Variants in DSTN observed in about 807,000 individuals in gnomAD.
DSTN encodes destrin, actin depolymerizing factor.
A neutral mutation model predicts 16.8 loss-of-function variants in DSTN; 10 were observed. The observed-to-expected ratio is 0.60, with a 90% CI of 0.37 to 1.01. The LOEUF (loss-of-function observed/expected upper bound fraction) is 1.01, where lower values mean the gene tolerates loss of function less well. Among genes scored for constraint, DSTN ranks in the 50% least tolerant of loss-of-function variants. The pLI, the probability that DSTN is intolerant of heterozygous loss-of-function variation, is 0.01. For missense variants in DSTN, 141 were observed against 196.7 expected, an observed-to-expected ratio of 0.72 and a Z score of 1.69; for synonymous variants, 57 against 58.9, an observed-to-expected ratio of 0.97 and a Z score of 0.14.
intron 1 of DSTN, among the ~76,000 whole-genome samples, chr20:17,583,540 T>C (rs370496451): frequency 6.6e-6 from 1 of 152,220 alleles, no homozygotes; most frequent in African/African-American, 2.4e-5. Context: ...TGATACATGC[T>C]ACAACGTGGA....
At chr20:17,578,690 G>A (rs1014548528) in intron 1 of DSTN, among the ~76,000 whole-genome samples, 1 of 152,210 alleles carries the variant, frequency 6.6e-6, no homozygotes, top group Non-Finnish European at 1.5e-5. Flanking sequence ...GCCGGGCGTG[G>A]TGGCTCACGC....
At chr20:17,606,383 A>G (rs555865569) in intron 3 of DSTN, among the ~76,000 whole-genome samples, 14 of 152,348 alleles carry the variant, frequency 9.2e-5, no homozygotes, top group East Asian at 7.7e-4. Flanking sequence ...CATATTTCAC[A>G]TAGTTTTCAT....
chr20:17,583,551 T>G (rs2035369401), intron 1 of DSTN, among the ~76,000 whole-genome samples: 1 of 152,004 alleles, frequency 6.6e-6, no homozygotes, highest in Non-Finnish European at 1.5e-5. Flanking sequence ...ACAACGTGGA[T>G]GAACATTGAA....
At chr20:17,592,350 CCAGGAGGTCAGGG>C (rs1348613997) in intron 1 of DSTN, among the ~76,000 whole-genome samples, 1 of 151,414 alleles carries the variant, frequency 6.6e-6, no homozygotes, top group Non-Finnish European at 1.5e-5. Flanking sequence ...TCGCTTGAGC[CCAGGAGGTCAGGG>C]CTCCTGCAGT....
At chr20:17,571,824 A>G (rs1275188470) in intron 1 of DSTN, among the ~76,000 whole-genome samples, 1 of 152,214 alleles carries the variant, frequency 6.6e-6, no homozygotes, top group Non-Finnish European at 1.5e-5. Context: ...CAAGGAAGGA[A>G]GGGTCTGTTA....
chr20:17,570,172 C>T lies in DSTN; in HGVS notation c.-37C>T, dbSNP rs777271277. 157 of 1,518,932 alleles carry T rather than the reference C, an allele frequency of 1.0e-4. No individual in the cohort carries two copies. Among genetic ancestry groups the T allele is most frequent in the Non-Finnish European group, 1.2e-4 (140 of 1,137,164 alleles). The allele number at this position is 1,518,932 out of a possible 1,614,324, so 94.1% of individuals were successfully genotyped here. On this transcript the variant is annotated 5_prime_UTR_variant, in exon 1 of 4. Transcript: ENST00000246069. Reference sequence around the variant, plus strand: ...GGTCTGCATACTCGCTGCCCGCCGGCTCCCTCCCCCGCGTCCCTGCGACCG... The same window carrying T: ...GGTCTGCATACTCGCTGCCCGCCGGTTCCCTCCCCCGCGTCCCTGCGACCG...
rs147624968 is a variant in DSTN at position 17,584,639 on chromosome 20, C to T, written c.3+14428C>T. 9.1e-3 allele frequency among the ~76,000 whole-genome samples: 1,235 copies of T among 136,126 alleles called. 17 individuals are homozygous for T. Among genetic ancestry groups the T allele is most frequent in the African/African-American group, 0.032 (1,180 of 36,378 alleles). 89.3% of individuals were successfully genotyped at this position (136,126 alleles called of 152,430 possible). ...TGCACTCCAGCCTGGGCAACAAGAACGAAACTCCGTCTCAAAAAAAAAAAA... is the reference window on the plus strand; with the variant it reads ...TGCACTCCAGCCTGGGCAACAAGAATGAAACTCCGTCTCAAAAAAAAAAAA... On this transcript the variant is annotated intron_variant, in intron 1 of 3. Transcript: ENST00000246069.
rs1281004148 is a variant in DSTN, at chr20:17,570,225, A to AGGCCGAGGCGTG, written c.3+25_3+36dup. The AGGCCGAGGCGTG allele has an allele frequency of 6.6e-7, 1 of 1,506,676 alleles. No homozygotes were observed. Among genetic ancestry groups the AGGCCGAGGCGTG allele is most frequent in the South Asian group, 1.2e-5 (1 of 81,066 alleles). 93.3% of individuals were successfully genotyped at this position (1,506,676 alleles called of 1,614,324 possible). ...GCGGCGAAGATGGTGAGTAGGAGGGAGGCCGAGGCGTGGGCCGAGGCGGCC... is the reference window on the plus strand; with the variant it reads ...GCGGCGAAGATGGTGAGTAGGAGGGAGGCCGAGGCGTGGGCCGAGGCGTGGGCCGAGGCGGCC... On this transcript the variant is annotated intron_variant, in intron 1 of 3. Coordinates refer to ENST00000246069, the MANE Select transcript of DSTN (RefSeq NM_006870.4).
intron 1 of DSTN, among the ~76,000 whole-genome samples, chr20:17,589,499 C>G (rs901278489): frequency 1.3e-5 from 2 of 152,238 alleles, no homozygotes; most frequent in Non-Finnish European, 2.9e-5. Flanking sequence ...GCCGCAGCGC[C>G]CAGCCAAGTT....
At chr20:17,596,183 C>T (rs999691874) in intron 1 of DSTN, among the ~76,000 whole-genome samples, 2 of 152,132 alleles carry the variant, frequency 1.3e-5, no homozygotes, top group African/African-American at 4.8e-5. Context: ...TCTTTTTCTT[C>T]TTAGTTTTCT....
intron 1 of DSTN, among the ~76,000 whole-genome samples, chr20:17,582,304 C>T (rs1428491245): frequency 6.6e-6 from 1 of 152,096 alleles, no homozygotes; most frequent in Non-Finnish European, 1.5e-5. Context: ...TGGTCTCAAA[C>T]TCCTGACCTC....
rs2035653106 is a variant in DSTN, at chr20:17,607,319, A to C, written c.*173A>C. 3 of 489,878 alleles carry C rather than the reference A, an allele frequency of 6.1e-6. No individual in the cohort carries two copies. The highest frequency in any genetic ancestry group is 1.0e-5 in the Non-Finnish European group (3 of 287,550). 30.3% of individuals were successfully genotyped at this position (489,878 alleles called of 1,614,324 possible). Reference sequence around the variant, plus strand: ...ACAGCCCTAAATAAATCTAAAGTCTAAAGTTTTATTGATGTGAAATTAAAT... The same window carrying C: ...ACAGCCCTAAATAAATCTAAAGTCTCAAGTTTTATTGATGTGAAATTAAAT... On this transcript the variant is annotated 3_prime_UTR_variant, in exon 4 of 4. Coordinates refer to ENST00000246069, the MANE Select transcript of DSTN (RefSeq NM_006870.4).
At chr20:17,577,277 G>T (rs976738500) in intron 1 of DSTN, among the ~76,000 whole-genome samples, 1 of 152,182 alleles carries the variant, frequency 6.6e-6, no homozygotes, top group Non-Finnish European at 1.5e-5. Context: ...GCAAATACAG[G>T]TAAGGCTTCT....
intron 1 of DSTN, among the ~76,000 whole-genome samples, chr20:17,581,682 A>G (rs1600701679): frequency 6.6e-6 from 1 of 152,308 alleles, no homozygotes; most frequent in East Asian, 1.9e-4. Flanking sequence ...TAAGGCTTAG[A>G]CCTGATCTAC....
intron 1 of DSTN, among the ~76,000 whole-genome samples, chr20:17,591,354 T>A (rs62201061): frequency 7.1e-6 from 1 of 140,386 alleles, no homozygotes; most frequent in Non-Finnish European, 1.6e-5. Context: ...TTTTTTTTTT[T>A]GGGCAATCCT....
chr20:17,595,423 G>GT (rs2035515767), intron 1 of DSTN, among the ~76,000 whole-genome samples: 1 of 152,044 alleles, frequency 6.6e-6, no homozygotes, highest in Admixed American at 6.5e-5. Context: ...AAAAAAATGT[G>GT]TATCTTTTTC....
chr20:17,601,035 T>G lies in DSTN; in HGVS notation c.301T>G (p.Phe101Val). The G allele has an allele frequency of 6.3e-7, 1 of 1,579,366 alleles. No individual in the cohort carries two copies. Among genetic ancestry groups the G allele is most frequent in the Non-Finnish European group, 8.6e-7 (1 of 1,161,914 alleles). ...AGAATCCAGAAAAGAAGAGTTGATG[T>G]TTTTTTTGTGGTAAGCATGTTAGAA... ...TKESRKEELM[F>V]FLWAPELAPL... The change falls in exon 2 of 4, where the codon TTT becomes GTT. Residue 101 changes from phenylalanine to valine, a missense_variant. Phe to Val is a conservative substitution (Grantham distance 50). Coordinates refer to ENST00000246069, the MANE Select transcript of DSTN (RefSeq NM_006870.4).
intron 2 of DSTN, among the ~76,000 whole-genome samples, chr20:17,603,819 G>A (rs1202203609): frequency 6.6e-6 from 1 of 152,192 alleles, no homozygotes; most frequent in African/African-American, 2.4e-5. Flanking sequence ...TTATACAAGT[G>A]GATTTAATAT....
At chr20:17,593,790 A>G (rs926080824) in intron 1 of DSTN, among the ~76,000 whole-genome samples, 1 of 152,178 alleles carries the variant, frequency 6.6e-6, no homozygotes, top group African/African-American at 2.4e-5. Context: ...AATGGAGCCC[A>G]TTATTGGGCT....
Sources: gnomAD v4.1 joint callset for allele counts (sites outside exome capture counted in the v4.1 genomes callset) on GRCh38, gnomAD v4.1.1 for gene constraint, MANE v1.5 for transcripts, NCBI Gene and HGNC (gene_info 2026-07-23, HGNC 2026-07-21) for gene names.